HDAC9: variants seen among roughly 807,000 people sequenced by gnomAD.
HDAC9 encodes histone deacetylase 9, also known as MEF-2 interacting transcription repressor (MITR) protein.
In HDAC9, 41 loss-of-function variants were observed where a neutral mutation model predicts 139.4. That is an observed-to-expected ratio of 0.29 (90% confidence interval 0.23 to 0.38). HDAC9 has a LOEUF of 0.38. HDAC9 is among the 10% of genes least tolerant of loss of function. HDAC9 has a pLI of 1.00. For synonymous variants in HDAC9, 517 were observed against 476.2 expected, an observed-to-expected ratio of 1.09 and a Z score of -1.12; for missense variants, 1,147 against 1,297.0, an observed-to-expected ratio of 0.88 and a Z score of 1.78.
In HDAC9 at chr7:18,834,606, G is replaced by A. The variant is rs1320249792; in HGVS notation, c.2467-861G>A. On this transcript the variant is annotated intron_variant, in intron 19 of 25. Transcript: ENST00000686413. ...GAGCAGGAAGAAGGCTGTAAAGAAA[G>A]CTATGATATGATATTAAAATTAGGC... 2.0e-5 allele frequency among the ~76,000 whole-genome samples: 3 copies of A among 150,392 alleles called. No individual in the cohort carries two copies. In the Admixed American group the frequency reaches 2.0e-4, roughly 10 times the overall value.
chr7:18,541,477 G>C (rs912331713), intron 2 of HDAC9, among the ~76,000 whole-genome samples: 1 of 152,080 alleles, frequency 6.6e-6, no homozygotes, highest in African/African-American at 2.4e-5. Flanking sequence ...GGGCTCAACT[G>C]TCTCTCTAAT....
At position 19,000,029 on chromosome 7, in the gene HDAC9, A is replaced by T. The variant is rs1309203240; in HGVS notation, c.*3967A>T. ...GTCCTGCTGAGAAAATAAGGGGAAA[A>T]CAAGATAGAAGTAAAAAACAACACA... On this transcript the variant is annotated 3_prime_UTR_variant, in exon 26 of 26. Transcript: ENST00000686413. The T allele has an allele frequency of 6.6e-6, 1 of 152,194 alleles. No individual in the cohort carries two copies. The highest frequency in any genetic ancestry group is 2.4e-5 in the African/African-American group (1 of 41,428). 9.4% of individuals were successfully genotyped at this position (152,194 alleles called of 1,614,324 possible).
intron 1 of HDAC9, among the ~76,000 whole-genome samples, chr7:18,149,921 T>C (rs1786643335): frequency 1.3e-5 from 2 of 152,110 alleles, no homozygotes; most frequent in Admixed American, 1.3e-4. Flanking sequence ...GATCTTGAAC[T>C]CCTGGTCTCA....
intron 2 of HDAC9, among the ~76,000 whole-genome samples, chr7:18,268,450 G>GT: frequency 6.6e-6 from 1 of 151,522 alleles, no homozygotes; most frequent in East Asian, 1.9e-4. Flanking sequence ...TTCCAGCTGA[G>GT]TTTAAGAGTT....
Position 18,257,752 on chromosome 7 carries a change from C to T in HDAC9, c.25+95403C>T, listed in dbSNP as rs1385084261. On this transcript the variant is annotated intron_variant, in intron 2 of 12. Coordinates refer to the HDAC9 transcript ENST00000417496. ...AGTAATGAATATCCTTAAAAACATC[C>T]TTACAAGTAGATAGAGAAAACTTGT... 2.6e-5 allele frequency among the ~76,000 whole-genome samples: 4 copies of T among 152,164 alleles called. No homozygotes were observed. In the East Asian group the frequency reaches 7.7e-4, roughly 29 times the overall value.
chr7:18,879,402 C>G (rs1799557300), intron 22 of HDAC9, among the ~76,000 whole-genome samples: 1 of 152,118 alleles, frequency 6.6e-6, no homozygotes, highest in Non-Finnish European at 1.5e-5. Context: ...TGTTACCCAA[C>G]TTCAAACTAT....
At chr7:18,458,947 G>T in intron 1 of HDAC9, 1 of 1,350,494 alleles carries the variant, frequency 7.4e-7, no homozygotes, top group Non-Finnish European at 1.0e-6. Flanking sequence ...TGGGAGTAGA[G>T]CTGAACATGA....
chr7:18,837,524 A>G (rs576641375), intron 21 of HDAC9, among the ~76,000 whole-genome samples: 99 of 152,202 alleles, frequency 6.5e-4, no homozygotes, highest in Non-Finnish European at 1.0e-3. Flanking sequence ...CATGATACAC[A>G]TTAAATTCAT....
Position 18,553,953 on chromosome 7 carries a change from G to A in HDAC9, c.23-31328G>A, listed in dbSNP as rs116788938. Reference sequence around the variant, plus strand: ...AGTATTTCTTATGAAGGGAGGGTGGGACACTATTGGCATTTTAGGTAGGGC... The same window carrying A: ...AGTATTTCTTATGAAGGGAGGGTGGAACACTATTGGCATTTTAGGTAGGGC... On this transcript the variant is annotated intron_variant, in intron 2 of 25. Coordinates refer to ENST00000686413, the MANE Select transcript of HDAC9 (RefSeq NM_178425.4). Among the ~76,000 whole-genome samples the A allele has an allele frequency of 4.4e-3, 671 of 152,306 alleles. 5 individuals are homozygous for A. Among genetic ancestry groups the A allele is most frequent in the African/African-American group, 0.015 (629 of 41,570 alleles).
At chr7:18,995,751 C>A (rs1001188451) in intron 25 of HDAC9, among the ~76,000 whole-genome samples, 1 of 152,026 alleles carries the variant, frequency 6.6e-6, no homozygotes, top group African/African-American at 2.4e-5. Context: ...GTACTAGACA[C>A]CAAACATGTA....
chr7:18,676,731 A>G (rs1351215396), intron 12 of HDAC9, among the ~76,000 whole-genome samples: 2 of 151,908 alleles, frequency 1.3e-5, no homozygotes, highest in Non-Finnish European at 2.9e-5. Context: ...TTTATCACCT[A>G]CAAATCTTAA....
At chr7:18,703,004 C>G (rs1783624816) in intron 12 of HDAC9, among the ~76,000 whole-genome samples, 1 of 152,074 alleles carries the variant, frequency 6.6e-6, no homozygotes, top group South Asian at 2.1e-4. Flanking sequence ...GAATCCTAAA[C>G]ATTTTATTTG....
chr7:18,186,542 G>A (rs1158251924), intron 2 of HDAC9, among the ~76,000 whole-genome samples: 1 of 152,168 alleles, frequency 6.6e-6, no homozygotes, highest in Non-Finnish European at 1.5e-5. Context: ...GAAAACTTCG[G>A]GTAGGGAGAA....
At chr7:18,256,705 TTC>T (rs750781467) in intron 2 of HDAC9, among the ~76,000 whole-genome samples, 5 of 152,210 alleles carry the variant, frequency 3.3e-5, no homozygotes, top group African/African-American at 4.8e-5. Flanking sequence ...TGGGTATATT[TTC>T]TGTTTCTTAA....
intron 17 of HDAC9, among the ~76,000 whole-genome samples, chr7:18,811,644 A>AT (rs1221507162): frequency 4.0e-5 from 6 of 151,848 alleles, no homozygotes; most frequent in Non-Finnish European, 5.9e-5. Context: ...TAATGGTATA[A>AT]TTTTTTATCT....
intron 21 of HDAC9, among the ~76,000 whole-genome samples, chr7:18,845,648 A>T (rs182509574): frequency 2.0e-5 from 3 of 152,080 alleles, no homozygotes; most frequent in Non-Finnish European, 4.4e-5. Context: ...GTTTGGTCTC[A>T]TAGTTCTTTT....
At chr7:18,983,978 A>C (rs1785125041) in intron 25 of HDAC9, among the ~76,000 whole-genome samples, 1 of 152,080 alleles carries the variant, frequency 6.6e-6, no homozygotes, top group Non-Finnish European at 1.5e-5. Context: ...TTTCAGATCA[A>C]ATATCACTTC....
At chr7:18,800,211 C>A (rs1442461053) in intron 17 of HDAC9, among the ~76,000 whole-genome samples, 1 of 152,116 alleles carries the variant, frequency 6.6e-6, no homozygotes, top group Admixed American at 6.6e-5. Context: ...TCTGTTTTAC[C>A]CCATTAGTCC....
chr7:18,683,990 C>G (rs1036668846), intron 12 of HDAC9, among the ~76,000 whole-genome samples: 1 of 151,986 alleles, frequency 6.6e-6, no homozygotes, highest in East Asian at 1.9e-4. Flanking sequence ...GGCGCAGTGG[C>G]TCACACCAAT....
Sources: gnomAD v4.1 joint callset for allele counts (sites outside exome capture counted in the v4.1 genomes callset) on GRCh38, gnomAD v4.1.1 for gene constraint, MANE v1.5 for transcripts, NCBI Gene and HGNC (gene_info 2026-07-23, HGNC 2026-07-21) for gene names.